UNC5C: variants seen among roughly 807,000 people sequenced by gnomAD.
The protein encoded by UNC5C is netrin receptor UNC5C.
In UNC5C, 47 loss-of-function variants were observed where a neutral mutation model predicts 99.8. That is an observed-to-expected ratio of 0.47 (90% CI 0.37 to 0.60). The LOEUF (loss-of-function observed/expected upper bound fraction) is 0.60. UNC5C is among the 20% of genes least tolerant of loss of function. The pLI is 0.00. For missense variants in UNC5C, 1,062 were observed against 1,165.9 expected (o/e 0.91, Z 1.30); for synonymous variants, 487 against 452.2 (o/e 1.08, Z -0.98).
At chr4:95,302,000 C>T (rs1741899674) in intron 2 of UNC5C, among the ~76,000 whole-genome samples, 1 of 152,202 alleles carries the variant, frequency 6.6e-6, no homozygotes, top group African/African-American at 2.4e-5. Flanking sequence ...TCTATCACTC[C>T]ACAAAGTAAT....
intron 2 of UNC5C, among the ~76,000 whole-genome samples, chr4:95,326,188 A>C (rs1034590016): frequency 6.6e-6 from 1 of 152,150 alleles, no homozygotes; most frequent in Non-Finnish European, 1.5e-5. Flanking sequence ...GAATACATGT[A>C]AGGTGCTCAG....
intron 1 of UNC5C, among the ~76,000 whole-genome samples, chr4:95,465,560 A>G (rs1747746347): frequency 6.6e-6 from 1 of 152,112 alleles, no homozygotes; most frequent in Non-Finnish European, 1.5e-5. Context: ...TCTTTCTCCC[A>G]GTGCCATCCT....
chr4:95,278,153 A>G (rs1740926797), intron 4 of UNC5C, 106 bp downstream of exon 4: 2 of 918,462 alleles, frequency 2.2e-6, no homozygotes, highest in East Asian at 2.5e-5. Flanking sequence ...ATTACCAACC[A>G]TTCATCATGC....
At chr4:95,264,835 A>G (rs146434794) in intron 4 of UNC5C, among the ~76,000 whole-genome samples, 3 of 152,256 alleles carry the variant, frequency 2.0e-5, no homozygotes, top group East Asian at 3.9e-4. Flanking sequence ...TCCCTCTGAA[A>G]AGCCTCCCTC....
At chr4:95,327,118 C>T (rs983558149) in intron 2 of UNC5C, among the ~76,000 whole-genome samples, 3 of 152,140 alleles carry the variant, frequency 2.0e-5, no homozygotes, top group Non-Finnish European at 4.4e-5. Context: ...AAGTCCCCAA[C>T]AATACTACAG....
At chr4:95,425,030 A>G (rs192876648) in intron 1 of UNC5C, among the ~76,000 whole-genome samples, 39 of 152,100 alleles carry the variant, frequency 2.6e-4, no homozygotes, top group Middle Eastern at 3.4e-3. Context: ...TTTTCATTTC[A>G]AAAATGTCTA....
chr4:95,256,699 A>ATATATATATATATATATATAT (rs1553958327), intron 4 of UNC5C, among the ~76,000 whole-genome samples: 2 of 90,662 alleles, frequency 2.2e-5, no homozygotes, highest in African/African-American at 7.2e-5. Flanking sequence ...GAACTAAATA[A>ATATATATATATATATATATAT]ATATATATAT....
intron 4 of UNC5C, among the ~76,000 whole-genome samples, chr4:95,258,983 G>A (rs1042756755): frequency 6.6e-6 from 1 of 150,714 alleles, no homozygotes; most frequent in Non-Finnish European, 1.5e-5. Flanking sequence ...GGATGGTCTC[G>A]ATCTCCTGAC....
intron 1 of UNC5C, among the ~76,000 whole-genome samples, chr4:95,474,993 C>A (rs932020660): frequency 1.8e-4 from 28 of 152,062 alleles, no homozygotes; most frequent in Admixed American, 6.6e-4. Context: ...TACCATCAAG[C>A]ACGTTTATAT....
At chr4:95,516,007 G>A (rs1027258568) in intron 1 of UNC5C, among the ~76,000 whole-genome samples, 9 of 152,096 alleles carry the variant, frequency 5.9e-5, no homozygotes, top group East Asian at 3.9e-4. Flanking sequence ...ATATAAAAAC[G>A]TTGAAGTGAA....
Position 95,254,263 on chromosome 4 carries a change from C to T in UNC5C, c.595-3596G>A, listed in dbSNP as rs147633244. Among the ~76,000 whole-genome samples the T allele has an allele frequency of 1.3e-4, 20 of 152,288 alleles. No homozygotes were observed. The East Asian group carries it at 2.7e-3, about 21-fold the overall frequency. The stretch of plus-strand genomic sequence containing the variant: ...AAGAGTTTAATAACCACAAAGGTGA[C>T]GCTTCCAACGTCTTGGCCCTTCAGT... On this transcript the variant is annotated intron_variant, in intron 4 of 15. Coordinates refer to ENST00000453304, the MANE Select transcript of UNC5C (RefSeq NM_003728.4).
At chr4:95,446,077 T>A (rs1747097089) in intron 1 of UNC5C, among the ~76,000 whole-genome samples, 1 of 152,138 alleles carries the variant, frequency 6.6e-6, no homozygotes, top group South Asian at 2.1e-4. Context: ...ACACTTTGTC[T>A]CAAGAGAGTG....
intron 3 of UNC5C, among the ~76,000 whole-genome samples, chr4:95,291,834 T>C (rs1187862311): frequency 6.6e-6 from 1 of 152,190 alleles, no homozygotes; most frequent in East Asian, 1.9e-4. Flanking sequence ...ATTCAAAATA[T>C]GGCCTCTGTT....
chr4:95,412,160 T>G (rs1273183092), intron 1 of UNC5C, among the ~76,000 whole-genome samples: 1 of 152,140 alleles, frequency 6.6e-6, no homozygotes, highest in Non-Finnish European at 1.5e-5. Context: ...ATTCAAGTCA[T>G]GCCAACTGAC....
At chr4:95,464,758 C>A (rs972727574) in intron 1 of UNC5C, among the ~76,000 whole-genome samples, 1 of 152,068 alleles carries the variant, frequency 6.6e-6, no homozygotes, top group East Asian at 1.9e-4. Flanking sequence ...AAAAAAGTTT[C>A]TAATAGGCTT....
intron 1 of UNC5C, among the ~76,000 whole-genome samples, chr4:95,395,650 C>G (rs1296342025): frequency 6.6e-6 from 1 of 152,170 alleles, no homozygotes; most frequent in East Asian, 1.9e-4. Context: ...CTAGTCCTGA[C>G]TTTTGTTATT....
intron 3 of UNC5C, among the ~76,000 whole-genome samples, chr4:95,282,894 A>G (rs184229984): frequency 6.6e-6 from 1 of 152,202 alleles, no homozygotes; most frequent in Admixed American, 6.5e-5. Context: ...GTTTTGGACT[A>G]AGGGGGTTTC....
At chr4:95,402,125 TAATAC>T (rs1308847346) in intron 1 of UNC5C, among the ~76,000 whole-genome samples, 1 of 152,262 alleles carries the variant, frequency 6.6e-6, no homozygotes, top group Non-Finnish European at 1.5e-5. Context: ...GTAATGCTAC[TAATAC>T]AATATCTTCA....
chr4:95,223,581 G>T (rs1738557185), intron 7 of UNC5C, among the ~76,000 whole-genome samples: 1 of 152,148 alleles, frequency 6.6e-6, no homozygotes, highest in East Asian at 1.9e-4. Context: ...AGATAGGTTT[G>T]CTCTGAATTC....
Sources: allele counts gnomAD v4.1 joint callset (sites outside exome capture counted in the v4.1 genomes callset), GRCh38; gene constraint gnomAD v4.1.1; transcripts MANE v1.5; gene names NCBI Gene and HGNC (gene_info 2026-07-23, HGNC 2026-07-21).